EHBP1: variants seen among roughly 807,000 people sequenced by gnomAD.
EHBP1 encodes EH domain binding protein 1.
A neutral mutation model predicts 144.0 loss-of-function variants in EHBP1; 55 were observed. The ratio of observed to expected loss-of-function variants is 0.38; its 90% CI spans 0.31 to 0.48. The LOEUF (loss-of-function observed/expected upper bound fraction) is 0.48, where lower values mean the gene tolerates loss of function less well. Ranked by LOEUF, EHBP1 falls within the 20% of genes least tolerant of loss-of-function variation. EHBP1 has a pLI of 0.98. For missense variants in EHBP1, 1,200 were observed against 1,364.2 expected (o/e 0.88, Z 1.90); for synonymous variants, 469 against 472.7 (o/e 0.99, Z 0.10).
intron 6 of EHBP1, among the ~76,000 whole-genome samples, chr2:62,829,225 C>A (rs2046589928): frequency 6.6e-6 from 1 of 151,784 alleles, no homozygotes; most frequent in Non-Finnish European, 1.5e-5. Context: ...TATGTTATTT[C>A]AATAAATAAG....
At chr2:62,865,712 A>G (rs1365373359) in intron 9 of EHBP1, among the ~76,000 whole-genome samples, 3 of 152,234 alleles carry the variant, frequency 2.0e-5, no homozygotes, top group Non-Finnish European at 4.4e-5. Flanking sequence ...CACAAACAGC[A>G]CAGGATAATG....
At chr2:62,695,087 T>G (rs543322336) in intron 1 of EHBP1, among the ~76,000 whole-genome samples, 2 of 152,210 alleles carry the variant, frequency 1.3e-5, no homozygotes, top group African/African-American at 2.4e-5. Context: ...GAAGACTGGG[T>G]GCAGTGGCTC....
rs1574136369 is a variant in EHBP1, at chr2:62,937,234, T to C, written c.1186-5484T>C. Among the ~76,000 whole-genome samples the C allele has an allele frequency of 2.0e-5, 3 of 152,324 alleles. No individual in the cohort carries two copies. The South Asian group carries it at 6.2e-4, about 32-fold the overall frequency. On this transcript the variant is annotated intron_variant, in intron 10 of 22. Coordinates refer to ENST00000431489, the MANE Select transcript of EHBP1 (RefSeq NM_001142616.3). ...CTGAAGTGCTACAGCAGTATTTTCTTGAAATGTGAAATGCATGTTGTTTAA... is the reference window on the plus strand; with the variant it reads ...CTGAAGTGCTACAGCAGTATTTTCTCGAAATGTGAAATGCATGTTGTTTAA...
intron 10 of EHBP1, among the ~76,000 whole-genome samples, chr2:62,892,751 A>G (rs896594635): frequency 4.6e-4 from 70 of 152,220 alleles, no homozygotes; most frequent in African/African-American, 1.6e-3. Flanking sequence ...CCCACCCTCA[A>G]TAGTGTTTCC....
chr2:62,916,382 A>G (rs2054618486), intron 10 of EHBP1, among the ~76,000 whole-genome samples: 1 of 151,978 alleles, frequency 6.6e-6, no homozygotes, highest in South Asian at 2.1e-4. Context: ...ACTTGAGGCC[A>G]GGAGTTCAAG....
chr2:62,796,263 G>T (rs1321151337), intron 5 of EHBP1, among the ~76,000 whole-genome samples: 1 of 151,968 alleles, frequency 6.6e-6, no homozygotes, highest in Non-Finnish European at 1.5e-5. Flanking sequence ...GCATAAAACT[G>T]TGTGACACTG....
chr2:62,919,174 C>T (rs12614162), intron 10 of EHBP1, among the ~76,000 whole-genome samples: 14,595 of 152,242 alleles, frequency 0.096, 891 homozygotes, highest in Non-Finnish European at 0.13. Flanking sequence ...GCCTCTGATA[C>T]AGAAGTGCAG....
intron 10 of EHBP1, among the ~76,000 whole-genome samples, chr2:62,934,534 A>C (rs1204255760): frequency 1.3e-5 from 2 of 152,214 alleles, no homozygotes; most frequent in Non-Finnish European, 2.9e-5. Flanking sequence ...CAGGACAGGA[A>C]ACATAGCATA....
chr2:62,860,592 T>C (rs966081708), intron 8 of EHBP1, among the ~76,000 whole-genome samples: 3 of 152,212 alleles, frequency 2.0e-5, no homozygotes, highest in African/African-American at 7.2e-5. Flanking sequence ...TATTTGACTT[T>C]AGGTTAGATG....
chr2:62,794,039 C>CAG (rs1347306002), intron 5 of EHBP1, among the ~76,000 whole-genome samples: 2 of 152,078 alleles, frequency 1.3e-5, no homozygotes, highest in Non-Finnish European at 2.9e-5. Flanking sequence ...TTGTTTAACT[C>CAG]TTTCTTTATA....
chr2:63,037,796 C>T (rs1370572743), intron 20 of EHBP1, among the ~76,000 whole-genome samples, 162 bp downstream of exon 20: 1 of 151,960 alleles, frequency 6.6e-6, no homozygotes, highest in East Asian at 1.9e-4. Flanking sequence ...CAGTTTTCAT[C>T]TTATAAGAAT....
At chr2:62,734,310 T>C (rs981215999) in intron 2 of EHBP1, among the ~76,000 whole-genome samples, 4 of 151,928 alleles carry the variant, frequency 2.6e-5, no homozygotes, top group Non-Finnish European at 4.4e-5. Flanking sequence ...CTAGTACTTA[T>C]ATGGTTTCCT....
At position 63,038,835 on chromosome 2, in the gene EHBP1, G is replaced by C. The variant is rs370987675; in HGVS notation, c.3277+19G>C. On this transcript the variant is annotated intron_variant, in intron 21 of 22. Coordinates refer to ENST00000431489, the MANE Select transcript of EHBP1 (RefSeq NM_001142616.3). ...ATTGAAGGTAAGAAATGCTATGGTGGGGTGAGGTATGTGACGTGTCAGTTG... is the reference window on the plus strand; with the variant it reads ...ATTGAAGGTAAGAAATGCTATGGTGCGGTGAGGTATGTGACGTGTCAGTTG... The C allele has an allele frequency of 3.1e-6, 5 of 1,605,126 alleles. No individual in the cohort carries two copies. The highest frequency in any genetic ancestry group is 2.7e-5 in the African/African-American group (2 of 74,750).
chr2:62,902,624 C>T (rs2053503750), intron 10 of EHBP1, among the ~76,000 whole-genome samples: 1 of 152,056 alleles, frequency 6.6e-6, no homozygotes, highest in East Asian at 1.9e-4. Context: ...TTCTTTCTGT[C>T]ATCTTATTCC....
intron 5 of EHBP1, among the ~76,000 whole-genome samples, chr2:62,808,233 T>C (rs865920955): frequency 2.0e-5 from 3 of 149,034 alleles, no homozygotes; most frequent in Admixed American, 6.8e-5. Flanking sequence ...TTTTTTTTTT[T>C]CCTCTGCTTC....
At chr2:63,008,592 A>C (rs150184927) in intron 19 of EHBP1, among the ~76,000 whole-genome samples, 1 of 149,360 alleles carries the variant, frequency 6.7e-6, no homozygotes, top group Admixed American at 6.7e-5. Flanking sequence ...GGAGCAAAAG[A>C]TATCTTTTTG....
At chr2:62,958,940 T>A (rs1157876709) in intron 14 of EHBP1, among the ~76,000 whole-genome samples, 1 of 152,196 alleles carries the variant, frequency 6.6e-6, no homozygotes, top group African/African-American at 2.4e-5. Context: ...TTTTAAAAAA[T>A]TTGAGTGGAT....
intron 5 of EHBP1, among the ~76,000 whole-genome samples, chr2:62,805,605 C>T (rs2044385413): frequency 1.3e-5 from 2 of 152,000 alleles, no homozygotes; most frequent in Non-Finnish European, 2.9e-5. Context: ...ACCTCCTCCT[C>T]CAAGGTTCAG....
chr2:62,734,135 T>C (rs1244760797), intron 2 of EHBP1, among the ~76,000 whole-genome samples: 1 of 152,196 alleles, frequency 6.6e-6, no homozygotes, highest in Non-Finnish European at 1.5e-5. Flanking sequence ...CAGTGTCTTA[T>C]ATTGCAAATA....
Sources: gnomAD v4.1 joint callset for allele counts (sites outside exome capture counted in the v4.1 genomes callset) on GRCh38, gnomAD v4.1.1 for gene constraint, MANE v1.5 for transcripts, NCBI Gene and HGNC (gene_info 2026-07-23, HGNC 2026-07-21) for gene names.